MEIKIN: variants seen among roughly 807,000 people sequenced by gnomAD.
MEIKIN encodes the protein meiotic kinetochore factor.
At chr5:131,853,741 A>C (rs1460480195) in intron 10 of MEIKIN, among the ~76,000 whole-genome samples, 1 of 152,206 alleles carries the variant, frequency 6.6e-6, no homozygotes, top group African/African-American at 2.4e-5. Context: ...TAACACATTA[A>C]AAGATGCTCA....
chr5:131,879,648 A>G (rs1750672153), intron 8 of MEIKIN, among the ~76,000 whole-genome samples: 1 of 152,158 alleles, frequency 6.6e-6, no homozygotes, highest in Non-Finnish European at 1.5e-5. Context: ...CACATATACC[A>G]ACTTTATTTC....
intron 11 of MEIKIN, among the ~76,000 whole-genome samples, chr5:131,849,337 T>C (rs1014146831): frequency 2.0e-5 from 3 of 151,500 alleles, no homozygotes; most frequent in East Asian, 1.9e-4. Flanking sequence ...TGCTCCCCTT[T>C]TGCCTTTCAC....
At chr5:131,856,689 T>C (rs1473708108) in intron 9 of MEIKIN, among the ~76,000 whole-genome samples, 3 of 152,270 alleles carry the variant, frequency 2.0e-5, no homozygotes, top group East Asian at 3.9e-4. Flanking sequence ...GAGGTCTCAT[T>C]TGACATAATT....
In MEIKIN at chr5:131,881,780, T is replaced by A. The variant is rs111559341; in HGVS notation, c.704-2732A>T. ...TTTCCAGCACCTGGGAAGTTTTCTATGTGTTCTTTCCTCGTTGGCACCCTT... is the reference window on the plus strand; with the variant it reads ...TTTCCAGCACCTGGGAAGTTTTCTAAGTGTTCTTTCCTCGTTGGCACCCTT... On this transcript the variant is annotated intron_variant, in intron 8 of 12. Transcript: ENST00000442687. Among the ~76,000 whole-genome samples, 931 of 152,332 alleles carry A rather than the reference T, an allele frequency of 6.1e-3. 7 individuals are homozygous for A. The highest frequency in any genetic ancestry group is 0.021 in the African/African-American group (883 of 41,576).
intron 7 of MEIKIN, among the ~76,000 whole-genome samples, chr5:131,914,805 G>C (rs1337092067): frequency 6.6e-6 from 1 of 152,110 alleles, no homozygotes; most frequent in African/African-American, 2.4e-5. Flanking sequence ...CAAAGACTTA[G>C]AAAACAAGCA....
chr5:131,816,451 C>G lies in MEIKIN; in HGVS notation c.1099+2289G>C, dbSNP rs186236755. On this transcript the variant is annotated intron_variant, in intron 12 of 12. Transcript: ENST00000442687. ...CCTTAAGAGCAAAACTGAAGTTTAT[C>G]TGAACAAAAAGAAATCTATCTGTAG... 1.9e-3 allele frequency among the ~76,000 whole-genome samples: 285 copies of G among 152,308 alleles called. 1 individual carries two copies. Among genetic ancestry groups the G allele is most frequent in the African/African-American group, 6.6e-3 (276 of 41,566 alleles).
chr5:131,809,830 A>C (rs1248454802), intron 12 of MEIKIN, among the ~76,000 whole-genome samples: 1 of 151,554 alleles, frequency 6.6e-6, no homozygotes, highest in East Asian at 2.0e-4. Flanking sequence ...AAAAAAAAAA[A>C]AACAAACAAA....
At chr5:131,902,250 C>T (rs183309840) in intron 8 of MEIKIN, among the ~76,000 whole-genome samples, 9 of 152,118 alleles carry the variant, frequency 5.9e-5, no homozygotes, top group East Asian at 1.9e-4. Context: ...CTGGGCAACA[C>T]GGTGAAACCC....
intron 9 of MEIKIN, among the ~76,000 whole-genome samples, chr5:131,860,443 T>A (rs1363453580): frequency 6.6e-6 from 1 of 152,018 alleles, no homozygotes; most frequent in Non-Finnish European, 1.5e-5. Flanking sequence ...AACAGTTGTT[T>A]TTTTTGTTTG....
chr5:131,847,415 G>A (rs1274201441), intron 11 of MEIKIN, among the ~76,000 whole-genome samples: 1 of 151,898 alleles, frequency 6.6e-6, no homozygotes, highest in East Asian at 1.9e-4. Context: ...ATCAGATAAA[G>A]TTTCAATCAA....
chr5:131,837,193 T>C (rs2404778), intron 11 of MEIKIN, among the ~76,000 whole-genome samples: 113,797 of 152,026 alleles, frequency 0.75, 42,835 homozygotes, highest in Middle Eastern at 0.81. Flanking sequence ...TGTGTGGCCT[T>C]ATTTCTGAGC....
In MEIKIN at chr5:131,840,055, A is replaced by T. The variant is rs574386457; in HGVS notation, c.975+11209T>A. ...CCTCCTTCAAGTTACATCTGGTGAT[A>T]AATTCCCTCTGGTGAAAACAAATTG... On this transcript the variant is annotated intron_variant, in intron 11 of 12. Coordinates refer to ENST00000442687, the MANE Select transcript of MEIKIN (RefSeq NM_001303622.2). 3.9e-5 allele frequency among the ~76,000 whole-genome samples: 6 copies of T among 152,282 alleles called. No individual in the cohort carries two copies. In the South Asian group the frequency reaches 1.2e-3, roughly 32 times the overall value.
chr5:131,894,487 G>A (rs1255682169), intron 8 of MEIKIN, among the ~76,000 whole-genome samples: 2 of 152,106 alleles, frequency 1.3e-5, no homozygotes, highest in Non-Finnish European at 2.9e-5. Flanking sequence ...AATTACCTTG[G>A]GCAGTATGGC....
Position 131,854,852 on chromosome 5 carries a change from A to C in MEIKIN, c.775-18T>G. On this transcript the variant is annotated intron_variant, in intron 9 of 12. Coordinates refer to ENST00000442687, the MANE Select transcript of MEIKIN (RefSeq NM_001303622.2). Reference sequence around the variant, plus strand: ...TTTGTTTTCTATAAATGTTTTTATAAAACAGGGATTGAACAGCAGAAAGAA... The same window carrying C: ...TTTGTTTTCTATAAATGTTTTTATACAACAGGGATTGAACAGCAGAAAGAA... The C allele has an allele frequency of 2.5e-6, 1 of 397,552 alleles. No individual in the cohort carries two copies. Among genetic ancestry groups the C allele is most frequent in the Non-Finnish European group, 4.4e-6 (1 of 225,312 alleles). 24.6% of individuals were successfully genotyped at this position (397,552 alleles called of 1,614,324 possible).
In MEIKIN at chr5:131,896,402, T is replaced by C. The variant is rs371196395; in HGVS notation, c.703+15413A>G. On this transcript the variant is annotated intron_variant, in intron 8 of 12. Transcript: ENST00000442687. ...GAGTTCTGTAGATGGCTGTTAGGTCTGCTTGGTGCAGAGCTGAGTTCAAGT... is the reference window on the plus strand; with the variant it reads ...GAGTTCTGTAGATGGCTGTTAGGTCCGCTTGGTGCAGAGCTGAGTTCAAGT... 5.3e-3 allele frequency among the ~76,000 whole-genome samples: 814 copies of C among 152,306 alleles called. 11 individuals are homozygous for C. The highest frequency in any genetic ancestry group is 0.039 in the South Asian group (189 of 4,818).
chr5:131,875,845 T>A (rs907420330), intron 9 of MEIKIN, among the ~76,000 whole-genome samples: 2 of 152,090 alleles, frequency 1.3e-5, no homozygotes, highest in Non-Finnish European at 2.9e-5. Flanking sequence ...ATGTCGCATA[T>A]CTACAACTAC....
rs759497999 is a variant in MEIKIN at position 131,807,089 on chromosome 5, A to G, written c.*147T>C. 22 of 393,762 alleles carry G rather than the reference A, an allele frequency of 5.6e-5. No homozygotes were observed. The highest frequency in any genetic ancestry group is 8.5e-5 in the Non-Finnish European group (19 of 223,606). 24.4% of individuals were successfully genotyped at this position (393,762 alleles called of 1,614,324 possible). A position where few individuals can be genotyped will look rare whatever the true frequency, so the allele number is the denominator to read the frequency against. On this transcript the variant is annotated 3_prime_UTR_variant, in exon 13 of 13. Transcript: ENST00000442687. ...AAAAGTAAATGACAAGAACCTCAGTAGAATTTCAACATAGAGATATATCAC... is the reference window on the plus strand; with the variant it reads ...AAAAGTAAATGACAAGAACCTCAGTGGAATTTCAACATAGAGATATATCAC...
intron 11 of MEIKIN, among the ~76,000 whole-genome samples, chr5:131,827,453 G>A (rs1033425323): frequency 2.6e-5 from 4 of 152,150 alleles, no homozygotes; most frequent in Admixed American, 6.5e-5. Context: ...GACAGAGCTT[G>A]TCAGACTGGA....
intron 9 of MEIKIN, among the ~76,000 whole-genome samples, chr5:131,866,156 T>G (rs1008703449): frequency 1.3e-5 from 2 of 152,160 alleles, no homozygotes; most frequent in African/African-American, 4.8e-5. Context: ...TCAACTGTGT[T>G]GGTGTTGGCA....
Sources: allele counts gnomAD v4.1 joint callset (sites outside exome capture counted in the v4.1 genomes callset), GRCh38; gene constraint gnomAD v4.1.1; transcripts MANE v1.5; gene names NCBI Gene and HGNC (gene_info 2026-07-23, HGNC 2026-07-21).